Variants in LRRC4C observed in about 807,000 individuals in gnomAD.
LRRC4C encodes leucine rich repeat containing 4C.
In LRRC4C, 5 loss-of-function variants were observed where a neutral mutation model predicts 33.6. The observed-to-expected ratio is 0.15, with a 90% confidence interval of 0.08 to 0.31. The LOEUF (loss-of-function observed/expected upper bound fraction) is 0.31. LRRC4C is among the 10% of genes least tolerant of loss of function. The probability of loss-of-function intolerance (pLI) is 1.00; values close to 1 mark genes in which losing one functional copy is unlikely to be tolerated. For synonymous variants in LRRC4C, 329 were observed against 302.0 expected, an observed-to-expected ratio of 1.09 and a Z score of -0.93; for missense variants, 560 against 796.7, an observed-to-expected ratio of 0.70 and a Z score of 3.58.
chr11:41,132,590 C>T (rs764158818), intron 1 of LRRC4C, among the ~76,000 whole-genome samples: 3 of 151,914 alleles, frequency 2.0e-5, no homozygotes, highest in Non-Finnish European at 2.9e-5. Flanking sequence ...TATTACTGAA[C>T]CTTAATGGAA....
intron 1 of LRRC4C, among the ~76,000 whole-genome samples, chr11:41,361,021 G>C (rs1169697203): frequency 6.6e-6 from 1 of 152,158 alleles, no homozygotes. Context: ...AATGATTTGA[G>C]TCTAAATCAA....
intron 1 of LRRC4C, among the ~76,000 whole-genome samples, chr11:41,102,220 G>A (rs149328091): frequency 8.5e-5 from 13 of 152,154 alleles, no homozygotes; most frequent in African/African-American, 2.9e-4. Flanking sequence ...CGTCATTAAA[G>A]CTGAGTCTAA....
At chr11:40,999,812 C>T (rs1854242181) in intron 1 of LRRC4C, among the ~76,000 whole-genome samples, 1 of 151,850 alleles carries the variant, frequency 6.6e-6, no homozygotes, top group Non-Finnish European at 1.5e-5. Flanking sequence ...TAAGGAATAC[C>T]CGAGTTTCCC....
chr11:40,928,257 T>C (rs1017505891), intron 2 of LRRC4C, among the ~76,000 whole-genome samples: 1 of 150,424 alleles, frequency 6.6e-6, no homozygotes, highest in Non-Finnish European at 1.5e-5. Context: ...TTTATAAATA[T>C]ATATTTATAA....
intron 1 of LRRC4C, among the ~76,000 whole-genome samples, chr11:41,031,301 T>G (rs1856716109): frequency 6.6e-6 from 1 of 151,974 alleles, no homozygotes; most frequent in South Asian, 2.1e-4. Context: ...CTATAGACTC[T>G]TAGGGCTGTG....
chr11:40,689,527 A>T (rs1485125385), intron 2 of LRRC4C, among the ~76,000 whole-genome samples: 1 of 152,094 alleles, frequency 6.6e-6, no homozygotes, highest in African/African-American at 2.4e-5. Flanking sequence ...AACAATCATG[A>T]CTTATCTGGT....
chr11:40,972,328 C>T (rs978222061), intron 1 of LRRC4C, among the ~76,000 whole-genome samples: 3 of 151,656 alleles, frequency 2.0e-5, no homozygotes, highest in African/African-American at 4.8e-5. Context: ...GTAGAGATAG[C>T]GTTTCACCAT....
At chr11:41,186,625 C>T (rs998329536) in intron 1 of LRRC4C, among the ~76,000 whole-genome samples, 2 of 151,932 alleles carry the variant, frequency 1.3e-5, no homozygotes, top group Non-Finnish European at 2.9e-5. Flanking sequence ...AACACTGGGT[C>T]GGAGGTGGGG....
In LRRC4C at chr11:40,845,315, A is replaced by G. The variant is rs373749898; in HGVS notation, c.-407+88320T>C. Among the ~76,000 whole-genome samples, 76 of 152,064 alleles carry G rather than the reference A, an allele frequency of 5.0e-4. 2 individuals carry two copies. Among genetic ancestry groups the G allele is most frequent in the African/African-American group, 1.8e-3 (74 of 41,490 alleles). ...CATTATCCCTCCCCTTGCCACCTAC[A>G]TGTCGACAGGCCCCAGTGTGTGATG... On this transcript the variant is annotated intron_variant, in intron 2 of 6. Transcript: ENST00000528697.
At chr11:40,269,851 C>T (rs182191748) in intron 4 of LRRC4C, among the ~76,000 whole-genome samples, 1 of 152,204 alleles carries the variant, frequency 6.6e-6, no homozygotes, top group Non-Finnish European at 1.5e-5. Context: ...ATATTTGAGA[C>T]AGATCCTAAA....
chr11:40,698,754 T>C lies in LRRC4C; in HGVS notation c.-406-50476A>G, dbSNP rs148269094. ...GTTCCACGTGGCTGGGGAGGCCTCA[T>C]AATCATGGTGGAAGATGAAAGGCAC... is the stretch of plus-strand genomic sequence containing the variant. On this transcript the variant is annotated intron_variant, in intron 2 of 6. Transcript: ENST00000528697. Among the ~76,000 whole-genome samples, 408 of 152,198 alleles carry C rather than the reference T, an allele frequency of 2.7e-3. 6 individuals carry two copies. The highest frequency in any genetic ancestry group is 1.2e-3 in the Non-Finnish European group (83 of 68,004).
chr11:41,029,777 A>T (rs1041155075), intron 1 of LRRC4C, among the ~76,000 whole-genome samples: 2 of 151,892 alleles, frequency 1.3e-5, no homozygotes, highest in African/African-American at 4.8e-5. Context: ...AGGTAATGTC[A>T]ACATAGAATA....
chr11:40,855,391 C>T (rs908261160), intron 2 of LRRC4C, among the ~76,000 whole-genome samples: 1 of 152,140 alleles, frequency 6.6e-6, no homozygotes, highest in African/African-American at 2.4e-5. Flanking sequence ...ACCGAAAGGG[C>T]ATAGTGAAGA....
At chr11:41,143,619 A>C (rs1054263171) in intron 1 of LRRC4C, among the ~76,000 whole-genome samples, 3 of 152,162 alleles carry the variant, frequency 2.0e-5, no homozygotes, top group African/African-American at 4.8e-5. Context: ...GGAAACTCCA[A>C]AAATAAAGAC....
At chr11:40,608,239 T>G (rs1960837078) in intron 3 of LRRC4C, among the ~76,000 whole-genome samples, 2 of 152,140 alleles carry the variant, frequency 1.3e-5, no homozygotes, top group African/African-American at 4.8e-5. Context: ...TTCGTGACAT[T>G]AATAAATTGT....
At chr11:41,175,036 C>A (rs1945138848) in intron 1 of LRRC4C, among the ~76,000 whole-genome samples, 1 of 151,948 alleles carries the variant, frequency 6.6e-6, no homozygotes, top group Non-Finnish European at 1.5e-5. Flanking sequence ...TTACCAGGTT[C>A]TCTTGGTTCT....
At chr11:41,392,073 A>T (rs1184520042) in intron 1 of LRRC4C, among the ~76,000 whole-genome samples, 2 of 151,930 alleles carry the variant, frequency 1.3e-5, no homozygotes, top group East Asian at 3.9e-4. Context: ...TATAAAAAAC[A>T]GAAGTAGGAG....
intron 3 of LRRC4C, among the ~76,000 whole-genome samples, chr11:40,461,363 G>A (rs955158384): frequency 3.3e-5 from 5 of 151,992 alleles, no homozygotes; most frequent in Admixed American, 1.3e-4. Flanking sequence ...TTGACTTGCA[G>A]CTCTTCTATT....
chr11:40,900,655 TATATCA>T (rs1043229660), intron 2 of LRRC4C, among the ~76,000 whole-genome samples: 62 of 151,962 alleles, frequency 4.1e-4, no homozygotes, highest in Middle Eastern at 3.4e-3. Flanking sequence ...TTGGAAGAAC[TATATCA>T]ATATCAACAC....
Sources: gnomAD v4.1 joint callset for allele counts (sites outside exome capture counted in the v4.1 genomes callset) on GRCh38, gnomAD v4.1.1 for gene constraint, MANE v1.5 for transcripts, NCBI Gene and HGNC (gene_info 2026-07-23, HGNC 2026-07-21) for gene names.